The following NCALD variants were observed in gnomAD, a reference collection of about 807,000 sequenced individuals.
NCALD encodes the protein neurocalcin delta.
A neutral mutation model predicts 18.6 loss-of-function variants in NCALD; 10 were observed. The observed-to-expected ratio is 0.54, with a 90% CI of 0.33 to 0.91. The LOEUF (loss-of-function observed/expected upper bound fraction) is 0.91. Among genes scored for constraint, NCALD ranks in the 40% least tolerant of loss-of-function variants. The probability of loss-of-function intolerance (pLI) is 0.03; values close to 1 mark genes in which losing one functional copy is unlikely to be tolerated. For missense variants in NCALD, 184 were observed against 247.6 expected, an observed-to-expected ratio of 0.74 and a Z score of 1.72; for synonymous variants, 88 against 87.4, an observed-to-expected ratio of 1.01 and a Z score of -0.04.
intron 4 of NCALD, among the ~76,000 whole-genome samples, chr8:101,805,757 T>C (rs2131110770): frequency 6.6e-6 from 1 of 152,242 alleles, no homozygotes; most frequent in African/African-American, 2.4e-5. Flanking sequence ...AGGAGGTGGA[T>C]AACTATAGAA....
chr8:101,697,192 T>C (rs1398446808), intron 2 of NCALD, among the ~76,000 whole-genome samples: 1 of 151,700 alleles, frequency 6.6e-6, no homozygotes, highest in Non-Finnish European at 1.5e-5. Flanking sequence ...CGGGAAAATC[T>C]AGAAGAAATG....
intron 4 of NCALD, among the ~76,000 whole-genome samples, chr8:101,848,569 A>C (rs1814964800): frequency 1.3e-5 from 2 of 152,164 alleles, no homozygotes; most frequent in East Asian, 3.9e-4. Flanking sequence ...CCCATAATCT[A>C]TGGGTTTTAT....
At chr8:101,906,441 T>C (rs1324919777) in intron 3 of NCALD, among the ~76,000 whole-genome samples, 1 of 152,216 alleles carries the variant, frequency 6.6e-6, no homozygotes, top group Non-Finnish European at 1.5e-5. Flanking sequence ...CCAGTTGCAA[T>C]GATGACTCAA....
intron 1 of NCALD, among the ~76,000 whole-genome samples, chr8:101,726,985 C>T (rs564916174): frequency 2.6e-5 from 4 of 152,278 alleles, no homozygotes; most frequent in South Asian, 2.1e-4. Flanking sequence ...GAATGACCAG[C>T]GAAGTAGGCA....
At chr8:101,937,487 G>A (rs777929545) in intron 2 of NCALD, among the ~76,000 whole-genome samples, 5 of 152,068 alleles carry the variant, frequency 3.3e-5, no homozygotes, top group Non-Finnish European at 7.4e-5. Context: ...TGGCCTCCAG[G>A]TCCATCCATG....
At position 101,900,121 on chromosome 8, in the gene NCALD, A is replaced by C. The variant is rs942924782; in HGVS notation, c.-106-12894T>G. On this transcript the variant is annotated intron_variant, in intron 3 of 6. Coordinates refer to the NCALD transcript ENST00000311028. The stretch of plus-strand genomic sequence containing the variant: ...GTTTGTGCTTTCTGGAAAATTGCTT[A>C]ATTTCATATAAGTTGTCAAATGTGT... 3.3e-5 allele frequency among the ~76,000 whole-genome samples: 5 copies of C among 151,986 alleles called. No individual in the cohort carries two copies. In the South Asian group the frequency reaches 1.0e-3, roughly 32 times the overall value.
Position 101,688,827 on chromosome 8 carries a change from C to G in NCALD, c.*482G>C. 1 of 635,986 alleles carries G rather than the reference C, an allele frequency of 1.6e-6. No individual in the cohort carries two copies. Among genetic ancestry groups the G allele is most frequent in the Non-Finnish European group, 2.9e-6 (1 of 347,902 alleles). 39.4% of individuals were successfully genotyped at this position (635,986 alleles called of 1,614,324 possible). A position where few individuals can be genotyped will look rare whatever the true frequency, so the allele number is the denominator to read the frequency against. On this transcript the variant is annotated 3_prime_UTR_variant, in exon 4 of 4. Coordinates refer to ENST00000220931, the MANE Select transcript of NCALD (RefSeq NM_032041.3). The stretch of plus-strand genomic sequence containing the variant: ...AAATGTCCCAGCTCGCTGGAATAGC[C>G]TCACCCCAGAGGGTAACTTGTTCTT...
chr8:101,806,478 C>T (rs532519682), intron 4 of NCALD, among the ~76,000 whole-genome samples: 1 of 151,966 alleles, frequency 6.6e-6, no homozygotes, highest in South Asian at 2.1e-4. Flanking sequence ...AATGACAATG[C>T]CTCATCAAAT....
chr8:101,879,321 T>C (rs1228196933), intron 4 of NCALD, among the ~76,000 whole-genome samples: 2 of 152,206 alleles, frequency 1.3e-5, no homozygotes, highest in African/African-American at 4.8e-5. Context: ...GTCCTTCTGC[T>C]GGGTTCGTGG....
At chr8:101,902,272 G>T (rs1817457056) in intron 3 of NCALD, among the ~76,000 whole-genome samples, 1 of 112,148 alleles carries the variant, frequency 8.9e-6, no homozygotes, top group Non-Finnish European at 1.7e-5. Flanking sequence ...CATCCACTGA[G>T]TTTTTTTTTT....
chr8:101,921,911 T>C (rs1275313664), intron 2 of NCALD, among the ~76,000 whole-genome samples: 1 of 152,066 alleles, frequency 6.6e-6, no homozygotes, highest in Non-Finnish European at 1.5e-5. Flanking sequence ...CTCAAAGTTA[T>C]ATTTTTGACA....
intron 2 of NCALD, among the ~76,000 whole-genome samples, chr8:101,925,623 C>T (rs1325353479): frequency 1.3e-5 from 2 of 152,112 alleles, no homozygotes; most frequent in Non-Finnish European, 2.9e-5. Context: ...ACATATATAA[C>T]ATCAAGTGGC....
At chr8:101,733,792 C>T (rs1250060853) in intron 1 of NCALD, among the ~76,000 whole-genome samples, 4 of 152,224 alleles carry the variant, frequency 2.6e-5, no homozygotes, top group Admixed American at 1.3e-4. Context: ...TGAAAGACAT[C>T]TGTGGATGTG....
At chr8:101,711,523 T>TA (rs1423480812) in intron 2 of NCALD, among the ~76,000 whole-genome samples, 1 of 151,888 alleles carries the variant, frequency 6.6e-6, no homozygotes, top group Non-Finnish European at 1.5e-5. Flanking sequence ...AGAACCTTGA[T>TA]AAAAAGTTAG....
intron 1 of NCALD, among the ~76,000 whole-genome samples, chr8:102,043,914 A>G (rs1030948327): frequency 4.0e-5 from 6 of 151,834 alleles, no homozygotes; most frequent in Admixed American, 2.6e-4. Context: ...CAGAAAGAAG[A>G]TATCTTAAGC....
At chr8:101,975,502 C>T (rs1188577773) in intron 2 of NCALD, among the ~76,000 whole-genome samples, 5 of 152,188 alleles carry the variant, frequency 3.3e-5, no homozygotes, top group East Asian at 1.9e-4. Context: ...CCTACAGAAA[C>T]GGCCTTGCTC....
intron 2 of NCALD, among the ~76,000 whole-genome samples, chr8:101,917,016 A>C (rs1051869722): frequency 3.3e-5 from 5 of 152,150 alleles, no homozygotes; most frequent in Admixed American, 1.3e-4. Flanking sequence ...CATCTATAGA[A>C]TACTCCATCC....
intron 1 of NCALD, among the ~76,000 whole-genome samples, chr8:101,742,112 G>A (rs1810222959): frequency 6.6e-6 from 1 of 151,194 alleles, no homozygotes; most frequent in Admixed American, 6.6e-5. Flanking sequence ...AATTAGCTGG[G>A]CGTGGTGGTG....
chr8:101,925,367 A>C (rs1310766734), intron 2 of NCALD, among the ~76,000 whole-genome samples: 2 of 152,080 alleles, frequency 1.3e-5, no homozygotes. Flanking sequence ...TAAGGTGCTC[A>C]CTTCAGAAGG....
Sources: gnomAD v4.1 joint callset for allele counts (sites outside exome capture counted in the v4.1 genomes callset) on GRCh38, gnomAD v4.1.1 for gene constraint, MANE v1.5 for transcripts, NCBI Gene and HGNC (gene_info 2026-07-23, HGNC 2026-07-21) for gene names.